PSMA6: variants seen among roughly 807,000 people sequenced by gnomAD.
PSMA6 encodes the protein proteasome 20S subunit alpha 6.
For synonymous variants in PSMA6, 88 were observed against 97.7 expected (o/e 0.90, Z 0.59); for missense variants, 170 against 294.8 (o/e 0.58, Z 3.10).
chr14:35,287,912 C>T (rs2138706850), upstream of PSMA6, among the ~76,000 whole-genome samples: 1 of 103,394 alleles, frequency 9.7e-6, no homozygotes, highest in Non-Finnish European at 2.0e-5. Context: ...ACGAAGTCGG[C>T]TTCCAGGGGA....
chr14:35,300,455 G>A (rs2051690032), intron 1 of PSMA6, among the ~76,000 whole-genome samples: 1 of 152,144 alleles, frequency 6.6e-6, no homozygotes, highest in Admixed American at 6.6e-5. Context: ...CTAGACAACA[G>A]AGTGAGACCT....
intron 1 of PSMA6, among the ~76,000 whole-genome samples, chr14:35,301,574 A>G (rs1405785315): frequency 1.3e-5 from 2 of 152,146 alleles, no homozygotes; most frequent in East Asian, 3.8e-4. Flanking sequence ...CTCAATAGCC[A>G]CATATGACTA....
At chr14:35,278,616 C>T (rs2051330869), upstream of PSMA6, 1 of 1,440,978 alleles carries the variant, frequency 6.9e-7, no homozygotes, top group Admixed American at 2.0e-5. Flanking sequence ...ATCCATGCGG[C>T]TCTGCTGGAG....
chr14:35,312,765 A>G, intron 4 of PSMA6, 116 bp from the exon 5 acceptor site: 1 of 883,116 alleles, frequency 1.1e-6, no homozygotes, highest in Non-Finnish European at 1.7e-6. Context: ...GAAAATACAT[A>G]TCCTAAAATT....
rs1225579705 is a variant in PSMA6, at chr14:35,309,002, A to C, written c.253+7A>C. 1 of 1,567,260 alleles carries C rather than the reference A, an allele frequency of 6.4e-7. No individual in the cohort carries two copies. Among genetic ancestry groups the C allele is most frequent in the African/African-American group, 1.4e-5 (1 of 73,800 alleles). On this transcript the variant is annotated splice_region_variant and intron_variant, in intron 3 of 6. Transcript: ENST00000261479. Reference sequence around the variant, plus strand: ...GTGATGACCGGAATGACAGGTAATTAATCTGTAGATATACAAGACATCTGT... The same window carrying C: ...GTGATGACCGGAATGACAGGTAATTCATCTGTAGATATACAAGACATCTGT...
intron 6 of PSMA6, chr14:35,316,219 C>G (rs2052041040): frequency 6.6e-6 from 1 of 151,964 alleles, no homozygotes; most frequent in East Asian, 1.9e-4. Flanking sequence ...AACCCCATCT[C>G]TACTAAAAAT....
At chr14:35,311,015 G>A in intron 4 of PSMA6, 120 bp downstream of exon 4, 1 of 960,048 alleles carries the variant, frequency 1.0e-6, no homozygotes, top group Non-Finnish European at 1.5e-6. Flanking sequence ...AATACATAGA[G>A]TGGGAAAATC....
chr14:35,317,096 G>T lies in PSMA6; in HGVS notation c.684-153G>T. Reference sequence around the variant, plus strand: ...CAAAATAATCTGAGGGAAGATAAGTGTGTGTATAGATTTTTTAAAGATTGG... The same window carrying T: ...CAAAATAATCTGAGGGAAGATAAGTTTGTGTATAGATTTTTTAAAGATTGG... On this transcript the variant is annotated intron_variant, in intron 6 of 6. Coordinates refer to ENST00000261479, the MANE Select transcript of PSMA6 (RefSeq NM_002791.3). 5.1e-6 allele frequency: 3 copies of T among 592,244 alleles called. 1 individual carries two copies. In the South Asian group the frequency reaches 6.5e-5, roughly 13 times the overall value. The allele number at this position is 592,244 out of a possible 1,614,324, so 36.7% of individuals were successfully genotyped here.
intron 6 of PSMA6, chr14:35,314,973 G>GTGTGTGTGTA (rs910917218): frequency 1.3e-5 from 2 of 152,392 alleles, no homozygotes; most frequent in Non-Finnish European, 2.9e-5. Flanking sequence ...GTGTGTGTGT[G>GTGTGTGTGTA]TGTGTGTGTG....
chr14:35,279,063 T>G (rs1473029229), intron 1 of PSMA6, among the ~76,000 whole-genome samples: 4 of 151,944 alleles, frequency 2.6e-5, no homozygotes, highest in Admixed American at 6.6e-5. Flanking sequence ...GTGTGTGTGT[T>G]TGAGATGGAG....
chr14:35,289,383 G>T (rs1045916045), upstream of PSMA6, among the ~76,000 whole-genome samples: 9 of 151,782 alleles, frequency 5.9e-5, no homozygotes, highest in Non-Finnish European at 1.2e-4. Flanking sequence ...AGACTGGAGT[G>T]CAGTGGCATG....
Position 35,292,461 on chromosome 14 carries a change from T to A in PSMA6, c.-16T>A, listed in dbSNP as rs1594376825. Reference sequence around the variant, plus strand: ...CGGGGCCCAGGGATTGTGTTTAAAGTAGTGCTTCTACCAACATGTCCCGTG... The same window carrying A: ...CGGGGCCCAGGGATTGTGTTTAAAGAAGTGCTTCTACCAACATGTCCCGTG... On this transcript the variant is annotated 5_prime_UTR_variant, in exon 1 of 7. Transcript: ENST00000261479. 1.2e-6 allele frequency: 2 copies of A among 1,612,146 alleles called. No individual in the cohort carries two copies. Among genetic ancestry groups the A allele is most frequent in the African/African-American group, 1.3e-5 (1 of 74,972 alleles).
At chr14:35,313,648 A>G (rs2051985335) in intron 5 of PSMA6, 1 of 152,232 alleles carries the variant, frequency 6.6e-6, no homozygotes, top group Admixed American at 6.5e-5. Flanking sequence ...ATTGCAATTC[A>G]TAATTAATTA....
intron 1 of PSMA6, among the ~76,000 whole-genome samples, chr14:35,285,118 G>A (rs2138704040): frequency 6.6e-6 from 1 of 152,284 alleles, no homozygotes; most frequent in African/African-American, 2.4e-5. Context: ...GGCCGAGGCA[G>A]GAGGATCACT....
intron 1 of PSMA6, among the ~76,000 whole-genome samples, chr14:35,280,528 C>T (rs1015738766): frequency 4.1e-5 from 6 of 146,650 alleles, no homozygotes; most frequent in South Asian, 2.2e-4. Flanking sequence ...ATTACAGGCA[C>T]GTGCCACCAT....
intron 1 of PSMA6, among the ~76,000 whole-genome samples, chr14:35,301,198 A>T (rs543812662): frequency 6.6e-6 from 1 of 152,264 alleles, no homozygotes; most frequent in South Asian, 2.1e-4. Context: ...TAGGAATGAT[A>T]TTCTTAACAA....
intron 1 of PSMA6, among the ~76,000 whole-genome samples, chr14:35,285,431 A>G (rs139276476): frequency 2.8e-4 from 43 of 152,092 alleles, no homozygotes; most frequent in African/African-American, 8.4e-4. Flanking sequence ...TAAATTAGTG[A>G]CTGAAAATAT....
In PSMA6 at chr14:35,278,784, A is replaced by T; in HGVS notation, c.19+66A>T. On this transcript the variant is annotated intron_variant, in intron 1 of 6. Transcript: ENST00000540871. ...ATTACTGATTCTTTGAAAATAAATC[A>T]TTCTTATATTTTATTCCTCTTTACA... 4 of 1,506,340 alleles carry T rather than the reference A, an allele frequency of 2.7e-6. 1 individual carries two copies. The South Asian group carries it at 4.8e-5, about 18-fold the overall frequency. 93.3% of individuals were successfully genotyped at this position (1,506,340 alleles called of 1,614,324 possible).
intron 1 of PSMA6, among the ~76,000 whole-genome samples, chr14:35,304,782 A>G (rs1482042818): frequency 1.3e-5 from 2 of 151,916 alleles, no homozygotes; most frequent in Non-Finnish European, 2.9e-5. Flanking sequence ...TTTTGCTATT[A>G]TAATTAACCA....
Sources: gnomAD v4.1 joint callset for allele counts (sites outside exome capture counted in the v4.1 genomes callset) on GRCh38, gnomAD v4.1.1 for gene constraint, MANE v1.5 for transcripts, NCBI Gene and HGNC (gene_info 2026-07-23, HGNC 2026-07-21) for gene names.